MYB: variants seen among roughly 807,000 people sequenced by gnomAD.
MYB encodes MYB proto-oncogene, transcription factor.
Under a neutral mutation model 92.9 loss-of-function variants are expected in MYB, and 28 were observed. That is an observed-to-expected ratio of 0.30 (90% confidence interval 0.22 to 0.41). The LOEUF (loss-of-function observed/expected upper bound fraction) is 0.41. MYB is among the 10% of genes least tolerant of loss of function. The pLI, the probability that MYB is intolerant of heterozygous loss-of-function variation, is 1.00. For missense variants in MYB, 679 were observed against 929.3 expected (o/e 0.73, Z 3.50); for synonymous variants, 295 against 329.1 (o/e 0.90, Z 1.12).
chr6:135,204,431 T>C (rs909832937), intron 15 of MYB, among the ~76,000 whole-genome samples: 1 of 152,140 alleles, frequency 6.6e-6, no homozygotes, highest in African/African-American at 2.4e-5. Flanking sequence ...CCCAATTAGC[T>C]GGAATTACAG....
rs965697474 is a variant in MYB at position 135,182,328 on chromosome 6, G to T, written c.23+792G>T. Reference sequence around the variant, plus strand: ...AGGAGGAGGAGGGAAATCCTCGTCCGAACTGTCAGTTGCTCGTTCCCCAGT... The same window carrying T: ...AGGAGGAGGAGGGAAATCCTCGTCCTAACTGTCAGTTGCTCGTTCCCCAGT... On this transcript the variant is annotated intron_variant, in intron 1 of 15. Coordinates refer to ENST00000341911, the MANE Select transcript of MYB (RefSeq NM_001130173.2). The surrounding 1 kb of genome is among the most constrained non-coding windows in gnomAD (Gnocchi z 5.6). 6.6e-6 allele frequency among the ~76,000 whole-genome samples: 1 copy of T among 152,320 alleles called. No homozygotes were observed. The highest frequency in any genetic ancestry group is 2.1e-4 in the South Asian group (1 of 4,830).
intron 15 of MYB, among the ~76,000 whole-genome samples, chr6:135,217,160 G>A (rs751667153): frequency 1.7e-4 from 26 of 152,158 alleles, no homozygotes; most frequent in Non-Finnish European, 3.4e-4. Flanking sequence ...CTTGAGTCCA[G>A]GAGTTCAAGA....
At position 135,200,087 on chromosome 6, in the gene MYB, T is replaced by G; in HGVS notation, c.1712T>G (p.Phe571Cys). ...CACTGCTTGTTTTCTTTTTAAAGTT[T>G]TAGAACCCCAGCTATCAAAAGGTCA... ...TVKTQKENTVFRTPAIKRSIL... is the reference protein window; with the variant it reads ...TVKTQKENTVCRTPAIKRSIL... Residue 571 changes from phenylalanine to cysteine, a missense_variant and splice_region_variant, in exon 12 of 16, where the codon TTT becomes TGT. Around this residue, in one of 8 missense-constraint regions of MYB, gnomAD observed 402 missense variants for 434.2 expected, o/e 0.93. Transcript: ENST00000341911. 6.2e-7 allele frequency: 1 copy of G among 1,613,100 alleles called. No individual in the cohort carries two copies. Among genetic ancestry groups the G allele is most frequent in the Non-Finnish European group, 8.5e-7 (1 of 1,179,062 alleles).
At chr6:135,214,481 T>C (rs1344526549) in intron 15 of MYB, among the ~76,000 whole-genome samples, 1 of 152,200 alleles carries the variant, frequency 6.6e-6, no homozygotes, top group East Asian at 1.9e-4. Flanking sequence ...TATTTTTCTT[T>C]TCTATGTGTG....
rs1780746396 is a variant in MYB at position 135,218,806 on chromosome 6, T to C, written c.*826T>C. ...TCCTTCTGCAATACATTTGAAAACTTGTTTGGGAGACTCTGCATTTTTTAT... is the reference window on the plus strand; with the variant it reads ...TCCTTCTGCAATACATTTGAAAACTCGTTTGGGAGACTCTGCATTTTTTAT... On this transcript the variant is annotated 3_prime_UTR_variant, in exon 16 of 16. Transcript: ENST00000341911. 9.2e-6 allele frequency: 2 copies of C among 217,406 alleles called. No individual in the cohort carries two copies. Among genetic ancestry groups the C allele is most frequent in the East Asian group, 1.4e-4 (2 of 14,798 alleles). The allele number at this position is 217,406 out of a possible 1,614,324, so 13.5% of individuals were successfully genotyped here.
chr6:135,183,318 T>G (rs576800355), intron 1 of MYB, among the ~76,000 whole-genome samples: 2 of 152,084 alleles, frequency 1.3e-5, no homozygotes, highest in Admixed American at 1.3e-4. Context: ...TTTGAACCCC[T>G]CCGAATCACA....
At chr6:135,213,741 G>A (rs771151537) in intron 15 of MYB, among the ~76,000 whole-genome samples, 9 of 151,844 alleles carry the variant, frequency 5.9e-5, no homozygotes, top group Non-Finnish European at 1.2e-4. Flanking sequence ...AATTAGCCAG[G>A]TGTAGTGTAG....
chr6:135,203,664 A>G (rs1377506946), intron 15 of MYB: 4 of 1,313,776 alleles, frequency 3.0e-6, no homozygotes, highest in South Asian at 1.3e-5. Flanking sequence ...AAATATATCA[A>G]TATAGTTTAC....
intron 15 of MYB, among the ~76,000 whole-genome samples, chr6:135,212,890 T>G (rs1779937289): frequency 6.6e-6 from 1 of 152,234 alleles, no homozygotes; most frequent in African/African-American, 2.4e-5. Context: ...AATAATTCTT[T>G]CTGCATGAAA....
rs778080916 is a variant in MYB at position 135,217,932 on chromosome 6, A to G, written c.2238A>G (p.Gln746=). The change falls in exon 16 of 16, where the codon CAA becomes CAG. Residue 746 remains glutamine (Q), a synonymous_variant. Transcript: ENST00000341911. ...KMEEQMTSSS[Q]ARKYVNAFSA... ...AGGAGCAGATGACATCTTCCAGTCA[A>G]GCTCGTAAATACGTGAATGCATTCT... 1 of 1,613,620 alleles carries G rather than the reference A, an allele frequency of 6.2e-7. No individual in the cohort carries two copies. Among genetic ancestry groups the G allele is most frequent in the Non-Finnish European group, 8.5e-7 (1 of 1,179,622 alleles).
At chr6:135,194,702 A>AT in intron 8 of MYB, 1 of 565,716 alleles carries the variant, frequency 1.8e-6, no homozygotes, top group South Asian at 2.8e-5. Flanking sequence ...GTTATCATCA[A>AT]TTTTTTTCTT....
intron 15 of MYB, among the ~76,000 whole-genome samples, chr6:135,217,015 A>G (rs1181372918): frequency 6.6e-6 from 1 of 152,220 alleles, no homozygotes; most frequent in Non-Finnish European, 1.5e-5. Context: ...GTGAAGTGCC[A>G]CTGTCCCTGG....
chr6:135,186,041 G>T (rs1775857651), intron 2 of MYB, 21 bp downstream of exon 2: 1 of 1,595,834 alleles, frequency 6.3e-7, no homozygotes, highest in African/African-American at 1.3e-5. Context: ...ATTTTATCAA[G>T]ACGCAGAAAA....
rs1038127132 is a variant in MYB, at chr6:135,199,937, C to T, written c.1710-148C>T. On this transcript the variant is annotated intron_variant, in intron 11 of 15. Transcript: ENST00000341911. ...GATATGCATATTCTCTTTTTCTTAA[C>T]GAATAACGTGATTAATCAGCACACC... 7.5e-5 allele frequency: 48 copies of T among 641,006 alleles called. 1 individual carries two copies. Among genetic ancestry groups the T allele is most frequent in the African/African-American group, 1.8e-5 (1 of 54,354 alleles). The allele number at this position is 641,006 out of a possible 1,614,324, so 39.7% of individuals were successfully genotyped here.
At chr6:135,195,244 T>A in intron 8 of MYB, 1 of 437,826 alleles carries the variant, frequency 2.3e-6, no homozygotes, top group Non-Finnish European at 3.7e-6. Context: ...TCTGCTTTCC[T>A]AACCACGTTG....
chr6:135,192,728 C>G (rs973622305), intron 6 of MYB, among the ~76,000 whole-genome samples, 170 bp downstream of exon 6: 7 of 152,150 alleles, frequency 4.6e-5, no homozygotes, highest in Non-Finnish European at 2.9e-5. Context: ...GGTGTGTTAC[C>G]CCTGGTTTAT....
intron 14 of MYB, among the ~76,000 whole-genome samples, chr6:135,202,127 T>A (rs1484504690): frequency 6.6e-6 from 1 of 152,212 alleles, no homozygotes. Context: ...TCATATGGTA[T>A]CAACCACGTT....
At chr6:135,217,558 G>T (rs1780627232) in intron 15 of MYB, among the ~76,000 whole-genome samples, 1 of 152,170 alleles carries the variant, frequency 6.6e-6, no homozygotes, top group South Asian at 2.1e-4. Context: ...GGTATCTGGA[G>T]AATAATGCTC....
At chr6:135,183,703 C>G (rs1775496541) in intron 1 of MYB, among the ~76,000 whole-genome samples, 1 of 152,258 alleles carries the variant, frequency 6.6e-6, no homozygotes, top group Non-Finnish European at 1.5e-5. Flanking sequence ...GCGTGAGCAG[C>G]CCCGGACTCG....
Sources: allele counts gnomAD v4.1 joint callset (sites outside exome capture counted in the v4.1 genomes callset), GRCh38; gene constraint gnomAD v4.1.1; regional missense constraint gnomAD v4.1.1; non-coding constraint Gnocchi (gnomAD v3.1); transcripts MANE v1.5; gene names NCBI Gene and HGNC (gene_info 2026-07-23, HGNC 2026-07-21).